The following GJB6 variants were observed in gnomAD, a reference collection of about 807,000 sequenced individuals.
GJB6 encodes the protein gap junction beta-6 protein.
Under a neutral mutation model 5.4 loss-of-function variants are expected in GJB6, and 5 were observed. That is an observed-to-expected ratio of 0.92 (90% confidence interval 0.48 to 1.93). The LOEUF (loss-of-function observed/expected upper bound fraction) is 1.93, where lower values mean the gene tolerates loss of function less well. Ranked by LOEUF, GJB6 falls within the 30% of genes most tolerant of loss-of-function variation. GJB6 has a pLI of 0.01. For missense variants in GJB6, 298 were observed against 326.9 expected (o/e 0.91, Z 0.68); for synonymous variants, 136 against 129.6 (o/e 1.05, Z -0.34).
At chr13:20,232,085 C>A (rs897622114) in intron 1 of GJB6, 109 bp downstream of exon 1, 1 of 152,264 alleles carries the variant, frequency 6.6e-6, no homozygotes, top group Non-Finnish European at 1.5e-5. Flanking sequence ...GGGGACCAGC[C>A]GCCGACCTCA....
intron 4 of GJB6, among the ~76,000 whole-genome samples, chr13:20,227,745 G>A (rs1869694391): frequency 6.6e-6 from 1 of 152,250 alleles, no homozygotes; most frequent in Non-Finnish European, 1.5e-5. Flanking sequence ...AGGCCAGGGT[G>A]ATGGGTCAGC....
At chr13:20,224,897 CT>C (rs1869470292) in intron 4 of GJB6, among the ~76,000 whole-genome samples, 1 of 152,302 alleles carries the variant, frequency 6.6e-6, no homozygotes, top group South Asian at 2.1e-4. Flanking sequence ...TCAGCCTCCC[CT>C]TCTCAGGCCA....
chr13:20,228,651 A>ATTTTTTTTT (rs538127118), intron 4 of GJB6, among the ~76,000 whole-genome samples: 1 of 150,366 alleles, frequency 6.7e-6, no homozygotes, highest in African/African-American at 2.4e-5. Context: ...AGCCCGGCTA[A>ATTTTTTTTT]TTTTTTGTAT....
At chr13:20,230,427 A>G (rs1219817707) in intron 3 of GJB6, among the ~76,000 whole-genome samples, 1 of 152,214 alleles carries the variant, frequency 6.6e-6, no homozygotes, top group Non-Finnish European at 1.5e-5. Flanking sequence ...TTAGCAATAT[A>G]TGTTTGTTCA....
Position 20,223,511 on chromosome 13 carries a change from T to C in GJB6, c.-15-16A>G. ...TGGTTTATCCCTAAACAGACAAAAG[T>C]GGGCAAAGGTTTATTAGTGGAAGAG... On this transcript the variant is annotated splice_polypyrimidine_tract_variant and intron_variant, in intron 4 of 4. Transcript: ENST00000647029. 1.9e-6 allele frequency: 3 copies of C among 1,603,194 alleles called. No homozygotes were observed. Among genetic ancestry groups the C allele is most frequent in the Non-Finnish European group, 2.6e-6 (3 of 1,170,300 alleles).
At position 20,223,089 on chromosome 13, in the gene GJB6, G is replaced by A; in HGVS notation, c.392C>T (p.Ser131Leu). Residue 131 changes from serine to leucine, a missense_variant, in exon 5 of 5, where the codon TCG becomes TTG. Physicochemically the swap from Ser to Leu is moderately radical, Grantham distance 145 (BLOSUM62 -2). Transcript: ENST00000647029. Reference sequence around the variant, plus strand: ...GCTGCTGGTGTACGTCCACCACAGCGACCCCTCTATCCGAACCTTCTGCTT... The same window carrying A: ...GCTGCTGGTGTACGTCCACCACAGCAACCCCTCTATCCGAACCTTCTGCTT... ...IKKQKVRIEG[S>L]LWWTYTSSIF... 4 of 1,614,128 alleles carry A rather than the reference G, an allele frequency of 2.5e-6. No homozygotes were observed. The highest frequency in any genetic ancestry group is 4.5e-5 in the East Asian group (2 of 44,892).
At chr13:20,223,780 A>G (rs576590843) in intron 4 of GJB6, among the ~76,000 whole-genome samples, 4 of 152,018 alleles carry the variant, frequency 2.6e-5, no homozygotes, top group Non-Finnish European at 4.4e-5. Flanking sequence ...CCTGGCTAAC[A>G]AGGTAAAACC....
At chr13:20,231,335 T>A (rs1870074416) in intron 2 of GJB6, 47 bp downstream of exon 2, 1 of 152,106 alleles carries the variant, frequency 6.6e-6, no homozygotes, top group Non-Finnish European at 1.5e-5. Flanking sequence ...TGGTTGCAGG[T>A]CCCTAACCCC....
chr13:20,223,837 C>T (rs896074020), intron 4 of GJB6, among the ~76,000 whole-genome samples: 18 of 152,024 alleles, frequency 1.2e-4, no homozygotes, highest in African/African-American at 3.9e-4. Flanking sequence ...GGCGTGGTGG[C>T]GGGCACCTGT....
intron 4 of GJB6, among the ~76,000 whole-genome samples, chr13:20,228,656 T>G (rs973935696): frequency 2.0e-5 from 3 of 150,986 alleles, no homozygotes; most frequent in African/African-American, 7.3e-5. Flanking sequence ...GGCTAATTTT[T>G]TGTATTTTTA....
chr13:20,226,891 C>T (rs997999661), intron 4 of GJB6, among the ~76,000 whole-genome samples: 1 of 152,202 alleles, frequency 6.6e-6, no homozygotes, highest in African/African-American at 2.4e-5. Flanking sequence ...GCAGGTGAGA[C>T]AGCTGTGTTC....
chr13:20,228,433 T>C (rs112139984), intron 4 of GJB6, among the ~76,000 whole-genome samples: 66 of 152,274 alleles, frequency 4.3e-4, no homozygotes, highest in African/African-American at 1.5e-3. Flanking sequence ...GTAATCATAG[T>C]GAAGAACTCG....
intron 4 of GJB6, among the ~76,000 whole-genome samples, chr13:20,228,349 G>T (rs1365663242): frequency 6.6e-6 from 1 of 152,204 alleles, no homozygotes; most frequent in Non-Finnish European, 1.5e-5. Flanking sequence ...CTTAGCTTCT[G>T]CAGTCTTCAA....
In GJB6 at chr13:20,223,373, G is replaced by T; in HGVS notation, c.108C>A (p.Leu36=). Residue 36 remains leucine (L), a synonymous_variant, in exon 5 of 5, where the codon CTC becomes CTA. Coordinates refer to ENST00000647029, the MANE Select transcript of GJB6 (RefSeq NM_001110219.3). ...CCCACACTTCCTGGGCAGCCACCAC[G>T]AGGATCATGACTCGGAAAATAAAGA... is the stretch of plus-strand genomic sequence containing the variant. ...TVIFIFRVMI[L]VVAAQEVWGD... 6.2e-7 allele frequency: 1 copy of T among 1,614,154 alleles called. No homozygotes were observed. Among genetic ancestry groups the T allele is most frequent in the Non-Finnish European group, 8.5e-7 (1 of 1,180,004 alleles).
chr13:20,227,977 G>A (rs1480389888), intron 4 of GJB6, among the ~76,000 whole-genome samples: 1 of 149,592 alleles, frequency 6.7e-6, no homozygotes, highest in Non-Finnish European at 1.5e-5. Context: ...CCCAGAGGAA[G>A]GATGTTGTGG....
At chr13:20,225,009 C>G (rs1472994754) in intron 4 of GJB6, among the ~76,000 whole-genome samples, 1 of 152,220 alleles carries the variant, frequency 6.6e-6, no homozygotes, top group African/African-American at 2.4e-5. Flanking sequence ...TCTCCCCACC[C>G]AGGAGTGCCT....
chr13:20,222,836 C>G lies in GJB6; in HGVS notation c.645G>C (p.Leu215=). 14 of 1,614,168 alleles carry G rather than the reference C, an allele frequency of 8.7e-6. No individual in the cohort carries two copies. The highest frequency in any genetic ancestry group is 1.2e-5 in the Non-Finnish European group (14 of 1,180,044). Residue 215 remains leucine (L), a synonymous_variant, in exon 5 of 5, where the codon CTG becomes CTC. Transcript: ENST00000647029. The part of the protein sequence containing the change: ...LNVAELCYLL[L]KVCFRRSKRA... ...TCTTTGATCTCCTAAAACACACTTT[C>G]AGCAGCAGGTAGCACAACTCTGCCA... is the stretch of plus-strand genomic sequence containing the variant.
chr13:20,228,851 A>G (rs564118123), intron 4 of GJB6, among the ~76,000 whole-genome samples: 43 of 151,876 alleles, frequency 2.8e-4, no homozygotes, highest in Admixed American at 5.9e-4. Flanking sequence ...TAAACCATGG[A>G]CTTTACTTTT....
intron 4 of GJB6, among the ~76,000 whole-genome samples, chr13:20,227,526 G>C (rs910034547): frequency 6.6e-6 from 1 of 152,160 alleles, no homozygotes; most frequent in Non-Finnish European, 1.5e-5. Context: ...GAACCTGCCC[G>C]GTCCTGAGTG....
Sources: gnomAD v4.1 joint callset for allele counts (sites outside exome capture counted in the v4.1 genomes callset) on GRCh38, gnomAD v4.1.1 for gene constraint, MANE v1.5 for transcripts, NCBI Gene and HGNC (gene_info 2026-07-23, HGNC 2026-07-21) for gene names.